ZNF345: variants seen among roughly 807,000 people sequenced by gnomAD.
The protein encoded by ZNF345 is zinc finger protein 345, also known as zinc finger protein HZF10.
For missense variants in ZNF345, 527 were observed against 589.9 expected (o/e 0.89, Z 1.10); for synonymous variants, 166 against 187.9 (o/e 0.88, Z 0.95).
At chr19:36,857,367 C>T (rs764959500) in intron 2 of ZNF345, among the ~76,000 whole-genome samples, 3 of 152,094 alleles carry the variant, frequency 2.0e-5, no homozygotes, top group Non-Finnish European at 2.9e-5. Flanking sequence ...AGTGCAGCGG[C>T]GCCATCTTGG....
At chr19:36,880,367 AG>A (rs1214234867), downstream of ZNF345, among the ~76,000 whole-genome samples, 1 of 152,140 alleles carries the variant, frequency 6.6e-6, no homozygotes, top group African/African-American at 2.4e-5. Flanking sequence ...AAAAATAATA[AG>A]ATTATAAAGT....
chr19:36,882,382 C>G (rs1464666340), downstream of ZNF345, among the ~76,000 whole-genome samples: 1 of 152,150 alleles, frequency 6.6e-6, no homozygotes, highest in African/African-American at 2.4e-5. Context: ...ATTCTCCTGC[C>G]TCAGCCTCCT....
chr19:36,874,980 GT>G (rs202155511), intron 2 of ZNF345, among the ~76,000 whole-genome samples: 3,339 of 152,102 alleles, frequency 0.022, 90 homozygotes, highest in Admixed American at 0.071. Context: ...GAGAAATCTA[GT>G]TTTTAGATGT....
chr19:36,884,917 CTG>C (rs1309578124), intron 3 of ZNF345, among the ~76,000 whole-genome samples: 1 of 152,144 alleles, frequency 6.6e-6, no homozygotes, highest in African/African-American at 2.4e-5. Flanking sequence ...TGATGGGTAT[CTG>C]TATTGTTTCT....
chr19:36,867,598 GT>G (rs2072685935), intron 2 of ZNF345, among the ~76,000 whole-genome samples: 1 of 152,260 alleles, frequency 6.6e-6, no homozygotes. Flanking sequence ...CAAATCTGAG[GT>G]CATGAAGAAT....
At chr19:36,891,286 T>G in intron 3 of ZNF345, 1 of 503,444 alleles carries the variant, frequency 2.0e-6, no homozygotes. Flanking sequence ...ACCCTTGAGT[T>G]TAGATTTCCA....
At chr19:36,870,433 C>A (rs139289400) in intron 2 of ZNF345, among the ~76,000 whole-genome samples, 46 of 152,078 alleles carry the variant, frequency 3.0e-4, no homozygotes, top group African/African-American at 8.4e-4. Flanking sequence ...AGAATTCTAT[C>A]TTTTTAAATT....
chr19:36,884,756 A>C (rs2072987322), intron 3 of ZNF345, among the ~76,000 whole-genome samples: 1 of 152,206 alleles, frequency 6.6e-6, no homozygotes, highest in Non-Finnish European at 1.5e-5. Flanking sequence ...CACCCAGCCA[A>C]ACCAAGACAC....
chr19:36,877,202 G>C lies in ZNF345; in HGVS notation c.372G>C (p.Gly124=), dbSNP rs1568360238. 1 of 1,613,920 alleles carries C rather than the reference G, an allele frequency of 6.2e-7. No individual in the cohort carries two copies. The highest frequency in any genetic ancestry group is 8.5e-7 in the Non-Finnish European group (1 of 1,179,930). ...GEKPFECKEC[G]KAFGSGSNLT... is the part of the protein sequence containing the mutation. Reference sequence around the variant, plus strand: ...AGCCTTTTGAATGTAAAGAATGTGGGAAGGCCTTTGGTAGTGGCTCAAACC... The same window carrying C: ...AGCCTTTTGAATGTAAAGAATGTGGCAAGGCCTTTGGTAGTGGCTCAAACC... The change falls in exon 3 of 3, where the codon GGG becomes GGC. Residue 124 remains glycine, a synonymous_variant. Transcript: ENST00000420450.
intron 2 of ZNF345, among the ~76,000 whole-genome samples, chr19:36,872,058 T>A (rs1244950048): frequency 2.0e-5 from 3 of 152,154 alleles, no homozygotes; most frequent in African/African-American, 7.2e-5. Flanking sequence ...TGAGTCACCA[T>A]GCCCGGCCCT....
intron 2 of ZNF345, among the ~76,000 whole-genome samples, chr19:36,868,603 C>G (rs117018981): frequency 0.011 from 1,691 of 149,960 alleles, 17 homozygotes; most frequent in East Asian, 0.055. Context: ...GTACCCATTG[C>G]AGTTCCACAT....
chr19:36,853,957 T>A (rs931663055), intron 2 of ZNF345, among the ~76,000 whole-genome samples: 1 of 152,194 alleles, frequency 6.6e-6, no homozygotes. Flanking sequence ...AATTGCATGG[T>A]ACGTATAATT....
chr19:36,892,795 A>AT, intron 3 of ZNF345: 2 of 573,450 alleles, frequency 3.5e-6, no homozygotes, highest in African/African-American at 3.9e-5. Context: ...AAAAAAAAAA[A>AT]ATTTTTTTTG....
At chr19:36,863,289 C>G (rs1328040505) in intron 2 of ZNF345, among the ~76,000 whole-genome samples, 6 of 152,260 alleles carry the variant, frequency 3.9e-5, no homozygotes, top group East Asian at 1.9e-4. Flanking sequence ...AGGCTCATTC[C>G]TAAATACTGT....
chr19:36,855,199 G>A (rs2146123799), intron 2 of ZNF345, among the ~76,000 whole-genome samples: 1 of 144,718 alleles, frequency 6.9e-6, no homozygotes, highest in African/African-American at 2.6e-5. Context: ...TTGGAGTGCA[G>A]TGGCGCCATC....
chr19:36,853,245 C>CTTTTTTTTTTTTT (rs902150512), intron 2 of ZNF345, among the ~76,000 whole-genome samples: 41 of 106,508 alleles, frequency 3.8e-4, no homozygotes, highest in Non-Finnish European at 5.8e-4. Flanking sequence ...TTCTTTCTTT[C>CTTTTTTTTTTTTT]TTTTTTTTTT....
chr19:36,861,172 G>A (rs1461555788), intron 2 of ZNF345, among the ~76,000 whole-genome samples: 1 of 152,068 alleles, frequency 6.6e-6, no homozygotes, highest in East Asian at 1.9e-4. Flanking sequence ...GTGTTCCTTT[G>A]ACTTGTCTCC....
At chr19:36,864,246 C>T (rs576962586) in intron 2 of ZNF345, among the ~76,000 whole-genome samples, 10 of 152,172 alleles carry the variant, frequency 6.6e-5, no homozygotes, top group East Asian at 1.9e-4. Context: ...AGCCATTGAT[C>T]GGGCATGATG....
chr19:36,857,001 C>G (rs563256289), intron 2 of ZNF345, among the ~76,000 whole-genome samples: 113 of 152,208 alleles, frequency 7.4e-4, no homozygotes, highest in African/African-American at 2.5e-3. Flanking sequence ...ATTGTTACAG[C>G]AAATACTTAG....
Sources: allele counts gnomAD v4.1 joint callset (sites outside exome capture counted in the v4.1 genomes callset), GRCh38; gene constraint gnomAD v4.1.1; transcripts MANE v1.5; gene names NCBI Gene and HGNC (gene_info 2026-07-23, HGNC 2026-07-21).